Variants in RIMS2 observed in about 807,000 individuals in gnomAD.
RIMS2 encodes regulating synaptic membrane exocytosis 2.
A neutral mutation model predicts 174.4 loss-of-function variants in RIMS2; 59 were observed. The observed-to-expected ratio is 0.34, with a 90% CI of 0.27 to 0.42. RIMS2 has a LOEUF of 0.42. Ranked by LOEUF, RIMS2 falls within the 10% of genes least tolerant of loss-of-function variation. RIMS2 has a pLI of 1.00. For missense variants in RIMS2, 1,620 were observed against 1,666.3 expected (o/e 0.97, Z 0.48); for synonymous variants, 606 against 572.5 (o/e 1.06, Z -0.84).
rs566298735 is a variant in RIMS2, at chr8:104,143,112, A to G, written c.3335-101804A>G. 3.3e-5 allele frequency among the ~76,000 whole-genome samples: 5 copies of G among 152,334 alleles called. No homozygotes were observed. The East Asian group carries it at 9.7e-4, about 29-fold the overall frequency. On this transcript the variant is annotated intron_variant, in intron 19 of 23. Coordinates refer to ENST00000504942, the Ensembl canonical transcript of RIMS2. ...AGCCTTATTTGCGTTTTATATGCTG[A>G]TATTTGCCAGCAAATTAATCAGAGA...
intron 14 of RIMS2, among the ~76,000 whole-genome samples, chr8:103,956,247 C>T (rs1432859694): frequency 6.6e-6 from 1 of 152,136 alleles, no homozygotes; most frequent in African/African-American, 2.4e-5. Flanking sequence ...TTGGAAAAAA[C>T]TACTTTAAAT....
chr8:104,177,349 T>A (rs1489038273), intron 19 of RIMS2, among the ~76,000 whole-genome samples: 1 of 152,158 alleles, frequency 6.6e-6, no homozygotes, highest in Non-Finnish European at 1.5e-5. Context: ...CTATATTCTA[T>A]ATAACAGCTA....
At chr8:103,636,803 C>CCCCG (rs1322508776) in intron 1 of RIMS2, among the ~76,000 whole-genome samples, 4 of 74,178 alleles carry the variant, frequency 5.4e-5, no homozygotes, top group Admixed American at 2.8e-4. Flanking sequence ...CCCCCCCCCA[C>CCCCG]ACACACACAC....
Position 103,630,150 on chromosome 8 carries a change from A to G in RIMS2, c.177-66936A>G, listed in dbSNP as rs567734208. On this transcript the variant is annotated intron_variant, in intron 1 of 23. Coordinates refer to ENST00000504942, the Ensembl canonical transcript of RIMS2. The stretch of plus-strand genomic sequence containing the variant: ...AAATTTCTGAAAACTGAAGACAAAA[A>G]AAAAAAAAAAATCTTGAAAGCAGCT... 3.1e-3 allele frequency among the ~76,000 whole-genome samples: 468 copies of G among 149,952 alleles called. 1 individual carries two copies. Among genetic ancestry groups the G allele is most frequent in the Middle Eastern group, 0.024 (7 of 292 alleles).
chr8:103,936,315 T>C (rs1464929698), intron 12 of RIMS2, among the ~76,000 whole-genome samples: 1 of 152,160 alleles, frequency 6.6e-6, no homozygotes, highest in African/African-American at 2.4e-5. Context: ...TAATATGTCA[T>C]GGAAAAAATT....
Position 103,986,043 on chromosome 8 carries a change from CTATAGTTAA to C in RIMS2, c.2928-3257_2928-3249del, listed in dbSNP as rs550101232. Among the ~76,000 whole-genome samples, 115 of 152,156 alleles carry C rather than the reference CTATAGTTAA, an allele frequency of 7.6e-4. 1 individual carries two copies. The highest frequency in any genetic ancestry group is 7.2e-3 in the Admixed American group (110 of 15,286). ...AGAGATCTATTGTATATAATGGCAA[CTATAGTTAA>C]TATATACTTGAAAATTTCTGAGAGG... On this transcript the variant is annotated intron_variant, in intron 16 of 23. Transcript: ENST00000504942.
At chr8:104,084,933 C>T (rs1209295982) in intron 19 of RIMS2, among the ~76,000 whole-genome samples, 1 of 152,148 alleles carries the variant, frequency 6.6e-6, no homozygotes, top group East Asian at 1.9e-4. Context: ...TATCTTTCAG[C>T]TCTTAATCCC....
chr8:104,224,115 TTTACCC>T (rs1338553888), intron 19 of RIMS2, among the ~76,000 whole-genome samples: 1 of 152,190 alleles, frequency 6.6e-6, no homozygotes, highest in African/African-American at 2.4e-5. Flanking sequence ...TCTGTTTTGG[TTTACCC>T]TTCGCAGTCC....
At chr8:104,068,032 T>C (rs916967365) in intron 19 of RIMS2, among the ~76,000 whole-genome samples, 7 of 152,318 alleles carry the variant, frequency 4.6e-5, no homozygotes, top group African/African-American at 1.7e-4. Context: ...GATTCACACA[T>C]ATACTGGGGC....
intron 19 of RIMS2, among the ~76,000 whole-genome samples, chr8:104,160,406 A>T (rs2098753966): frequency 6.6e-6 from 1 of 152,248 alleles, no homozygotes; most frequent in South Asian, 2.1e-4. Context: ...TCCCCAAGGT[A>T]TTAAACTGAT....
At chr8:103,593,023 GC>G (rs1359801081) in intron 1 of RIMS2, among the ~76,000 whole-genome samples, 1 of 151,294 alleles carries the variant, frequency 6.6e-6, no homozygotes, top group Non-Finnish European at 1.5e-5. Context: ...TGAAAGAAGT[GC>G]CAAACTATTG....
intron 1 of RIMS2, among the ~76,000 whole-genome samples, chr8:103,540,979 GAAAC>G (rs141386257): frequency 0.12 from 17,578 of 151,830 alleles, 1,333 homozygotes; most frequent in Non-Finnish European, 0.17. Context: ...GAATAAAAAA[GAAAC>G]AAAAAAGAAC....
chr8:104,126,022 G>A (rs1434530261), intron 19 of RIMS2, among the ~76,000 whole-genome samples: 1 of 152,136 alleles, frequency 6.6e-6, no homozygotes, highest in Admixed American at 6.6e-5. Context: ...GCAAAGTTTA[G>A]TGTTGGCTGA....
intron 19 of RIMS2, among the ~76,000 whole-genome samples, chr8:104,172,726 G>C (rs938890359): frequency 6.6e-6 from 1 of 152,194 alleles, no homozygotes; most frequent in Non-Finnish European, 1.5e-5. Context: ...AAATCATTTT[G>C]TGTTGGAGCA....
intron 2 of RIMS2, among the ~76,000 whole-genome samples, chr8:103,707,210 T>C (rs527948277): frequency 1.3e-5 from 2 of 152,334 alleles, no homozygotes; most frequent in African/African-American, 4.8e-5. Context: ...ATCCCCAAAA[T>C]AGGTATTTTG....
chr8:103,776,791 C>T (rs182097130), intron 3 of RIMS2, among the ~76,000 whole-genome samples: 21 of 152,224 alleles, frequency 1.4e-4, no homozygotes, highest in Admixed American at 2.6e-4. Flanking sequence ...GAAAACCCAA[C>T]GATGACAAAG....
At chr8:103,892,279 T>G (rs890495568) in intron 4 of RIMS2, among the ~76,000 whole-genome samples, 8 of 151,800 alleles carry the variant, frequency 5.3e-5, no homozygotes, top group Non-Finnish European at 7.4e-5. Context: ...CATAGCTCAC[T>G]GCAGTCTTGA....
intron 2 of RIMS2, among the ~76,000 whole-genome samples, chr8:103,722,017 A>G (rs927584488): frequency 1.3e-5 from 2 of 152,124 alleles, no homozygotes; most frequent in African/African-American, 4.8e-5. Context: ...TTTTATGAAG[A>G]TATTGAATTT....
intron 19 of RIMS2, chr8:104,223,589 T>A: frequency 6.7e-7 from 1 of 1,496,474 alleles, no homozygotes; most frequent in Non-Finnish European, 8.9e-7. Flanking sequence ...CTGCGGACGC[T>A]GCGCCCCAGC....
Sources: allele counts gnomAD v4.1 joint callset (sites outside exome capture counted in the v4.1 genomes callset), GRCh38; gene constraint gnomAD v4.1.1; transcripts MANE v1.5; gene names NCBI Gene and HGNC (gene_info 2026-07-23, HGNC 2026-07-21).